Variants in ATG13 observed in about 807,000 individuals in gnomAD.
The protein encoded by ATG13 is autophagy related 13.
ATG13 carries 23 observed loss-of-function variants against 65.5 expected under a neutral mutation model. The observed-to-expected ratio is 0.35, with a 90% CI of 0.25 to 0.50. The LOEUF is 0.50. Ranked by LOEUF, ATG13 falls within the 20% of genes least tolerant of loss-of-function variation. The pLI is 0.98. For synonymous variants in ATG13, 252 were observed against 245.2 expected, an observed-to-expected ratio of 1.03 and a Z score of -0.26; for missense variants, 566 against 677.0, an observed-to-expected ratio of 0.84 and a Z score of 1.82.
chr11:46,644,575 C>CA (rs201446068), intron 3 of ATG13, among the ~76,000 whole-genome samples: 14 of 143,056 alleles, frequency 9.8e-5, no homozygotes, highest in South Asian at 4.5e-4. Flanking sequence ...GCTACTTGTT[C>CA]AAAAAAAAAA....
At chr11:46,653,498 C>G (rs530845401) in intron 7 of ATG13, among the ~76,000 whole-genome samples, 1 of 151,864 alleles carries the variant, frequency 6.6e-6, no homozygotes, top group Admixed American at 6.6e-5. Flanking sequence ...TCATACAAAA[C>G]TGTAGTCTGT....
intron 2 of ATG13, among the ~76,000 whole-genome samples, chr11:46,637,405 T>C (rs549258459): frequency 6.6e-6 from 1 of 152,332 alleles, no homozygotes; most frequent in African/African-American, 2.4e-5. Context: ...ATTTTAATAA[T>C]TTATTAATCT....
intron 18 of ATG13, 48 bp downstream of exon 18, chr11:46,669,580 A>G (rs2063227810): frequency 6.2e-7 from 1 of 1,604,412 alleles, no homozygotes; most frequent in East Asian, 2.2e-5. Context: ...TTTGATGGTC[A>G]TTCCTTTGCC....
At chr11:46,670,282 A>G (rs2063414587) in intron 18 of ATG13, among the ~76,000 whole-genome samples, 1 of 151,934 alleles carries the variant, frequency 6.6e-6, no homozygotes, top group African/African-American at 2.4e-5. Flanking sequence ...GGAGTTCGAG[A>G]CCAGCCTGGC....
chr11:46,672,219 C>T (rs1182734896), intron 18 of ATG13, 36 bp from the exon 19 acceptor site: 1 of 1,613,958 alleles, frequency 6.2e-7, no homozygotes, highest in Admixed American at 1.7e-5. Flanking sequence ...AAGGCCCTGC[C>T]TGAATAAACG....
chr11:46,646,130 T>G, intron 5 of ATG13, 141 bp downstream of exon 5: 1 of 1,208,180 alleles, frequency 8.3e-7, no homozygotes, highest in Non-Finnish European at 1.1e-6. Flanking sequence ...TAGTTTTTTT[T>G]GTTCTTTTTT....
At chr11:46,636,708 C>A (rs911546636) in intron 2 of ATG13, among the ~76,000 whole-genome samples, 4 of 151,938 alleles carry the variant, frequency 2.6e-5, no homozygotes, top group Admixed American at 2.0e-4. Context: ...CCTCCTGCCT[C>A]AACCTCCCAA....
chr11:46,623,212 C>T (rs572960311), intron 1 of ATG13, among the ~76,000 whole-genome samples: 3 of 151,940 alleles, frequency 2.0e-5, no homozygotes, highest in Non-Finnish European at 4.4e-5. Context: ...GAGAATGGCA[C>T]GAACCTGGGA....
chr11:46,666,867 T>C (rs2062484046), intron 14 of ATG13, among the ~76,000 whole-genome samples: 1 of 152,188 alleles, frequency 6.6e-6, no homozygotes, highest in Non-Finnish European at 1.5e-5. Flanking sequence ...TCCTGATTTT[T>C]TTTTTTCATT....
Position 46,620,013 on chromosome 11 carries a change from C to A in ATG13, c.-70+2123C>A, listed in dbSNP as rs376218109. Among the ~76,000 whole-genome samples, 1,054 of 143,508 alleles carry A rather than the reference C, an allele frequency of 7.3e-3. 22 individuals carry two copies. Among genetic ancestry groups the A allele is most frequent in the African/African-American group, 0.027 (1,024 of 37,744 alleles). 94.1% of individuals were successfully genotyped at this position (143,508 alleles called of 152,430 possible). On this transcript the variant is annotated intron_variant, in intron 1 of 18. Transcript: ENST00000683050. ...CATTGCACTCCAGCCCGGGAGACAG[C>A]GCCCCTCTGTCTCAAAAAAAAAAAA... is the stretch of plus-strand genomic sequence containing the variant.
chr11:46,665,553 GCTGGCCAGGGGC>G, intron 14 of ATG13, 34 bp downstream of exon 14: 8 of 1,610,544 alleles, frequency 5.0e-6, no homozygotes, highest in Non-Finnish European at 6.8e-6. Context: ...CTCTGGTAAG[GCTGGCCAGGGGC>G]CTGGGCTCCC....
At chr11:46,658,779 G>T (rs191489143) in intron 10 of ATG13, among the ~76,000 whole-genome samples, 1 of 152,062 alleles carries the variant, frequency 6.6e-6, no homozygotes, top group East Asian at 1.9e-4. Flanking sequence ...CAGATGATCC[G>T]CCTGCTTCGG....
At chr11:46,629,712 T>C (rs376652335) in intron 1 of ATG13, among the ~76,000 whole-genome samples, 65 of 152,260 alleles carry the variant, frequency 4.3e-4, no homozygotes, top group African/African-American at 1.5e-3. Context: ...TGCTTAATCT[T>C]AATAAGCACT....
chr11:46,656,799 AAC>A (rs2060129185), intron 8 of ATG13, among the ~76,000 whole-genome samples: 1 of 152,160 alleles, frequency 6.6e-6, no homozygotes, highest in Non-Finnish European at 1.5e-5. Flanking sequence ...CCTTAAAACT[AAC>A]AGTTATTTTA....
chr11:46,620,579 T>G (rs2047164494), intron 1 of ATG13, among the ~76,000 whole-genome samples: 1 of 151,642 alleles, frequency 6.6e-6, no homozygotes, highest in South Asian at 2.1e-4. Context: ...AGTTTGAGAC[T>G]AGCTTGGGCA....
At chr11:46,668,173 C>T (rs550440178) in intron 15 of ATG13, among the ~76,000 whole-genome samples, 42 of 152,290 alleles carry the variant, frequency 2.8e-4, no homozygotes, top group Non-Finnish European at 4.7e-4. Flanking sequence ...GTCATTGCCT[C>T]GGCCTTATTT....
chr11:46,628,970 T>C (rs1370188925), intron 1 of ATG13, among the ~76,000 whole-genome samples: 3 of 150,206 alleles, frequency 2.0e-5, no homozygotes, highest in African/African-American at 7.4e-5. Context: ...GGAGTCTCAC[T>C]GTGTCACCCA....
intron 5 of ATG13, chr11:46,648,752 G>C (rs2136386278): frequency 1.3e-5 from 2 of 154,114 alleles, no homozygotes; most frequent in African/African-American, 4.9e-5. Context: ...ACTCCAGCCT[G>C]GGCGACAGAG....
Position 46,633,009 on chromosome 11 carries a change from T to A in ATG13, c.-14+2909T>A, listed in dbSNP as rs759334694. On this transcript the variant is annotated intron_variant, in intron 2 of 18. Coordinates refer to ENST00000683050, the MANE Select transcript of ATG13 (RefSeq NM_001346311.2). ...AAGACCCCCATTAAAAAAAAATATATATATATATATATATATATTTTTTTT... is the reference window on the plus strand; with the variant it reads ...AAGACCCCCATTAAAAAAAAATATAAATATATATATATATATATTTTTTTT... Among the ~76,000 whole-genome samples, 672 of 97,764 alleles carry A rather than the reference T, an allele frequency of 6.9e-3. 4 individuals are homozygous for A. Among genetic ancestry groups the A allele is most frequent in the African/African-American group, 0.034 (615 of 18,256 alleles). 64.1% of individuals were successfully genotyped at this position (97,764 alleles called of 152,430 possible). A position where few individuals can be genotyped will look rare whatever the true frequency, so the allele number is the denominator to read the frequency against.
Sources: gnomAD v4.1 joint callset for allele counts (sites outside exome capture counted in the v4.1 genomes callset) on GRCh38, gnomAD v4.1.1 for gene constraint, MANE v1.5 for transcripts, NCBI Gene and HGNC (gene_info 2026-07-23, HGNC 2026-07-21) for gene names.